Variants in TEAD4 observed in about 807,000 individuals in gnomAD.
TEAD4 encodes transcriptional enhancer factor TEF-3.
Under a neutral mutation model 52.4 loss-of-function variants are expected in TEAD4, and 36 were observed. The ratio of observed to expected loss-of-function variants is 0.69; its 90% CI spans 0.53 to 0.91. TEAD4 has a LOEUF of 0.91. TEAD4 is among the 40% of genes least tolerant of loss of function. The pLI is 0.00. For synonymous variants in TEAD4, 220 were observed against 231.0 expected, an observed-to-expected ratio of 0.95 and a Z score of 0.43; for missense variants, 508 against 583.9, an observed-to-expected ratio of 0.87 and a Z score of 1.34.
At chr12:3,022,046 G>A in intron 10 of TEAD4, 29 bp downstream of exon 10, 13 of 1,610,226 alleles carry the variant, frequency 8.1e-6, no homozygotes, top group Non-Finnish European at 1.0e-5. Context: ...CTTCTTTCCT[G>A]CCACCAGCGT....
intron 2 of TEAD4, among the ~76,000 whole-genome samples, chr12:2,993,193 C>T (rs1035375094): frequency 3.3e-5 from 5 of 152,206 alleles, no homozygotes; most frequent in African/African-American, 9.6e-5. Context: ...CACAATGCTG[C>T]GCAGCAGGTC....
At chr12:3,038,296 A>C (rs1990330) in intron 11 of TEAD4, among the ~76,000 whole-genome samples, 188 bp downstream of exon 11, 92,302 of 152,132 alleles carry the variant, frequency 0.61, 32,653 homozygotes, top group East Asian at 0.94. Context: ...CTGCCCAGCT[A>C]ACCAGAGCCA....
intron 10 of TEAD4, among the ~76,000 whole-genome samples, chr12:3,030,846 C>A (rs1379831514): frequency 6.6e-6 from 1 of 152,052 alleles, no homozygotes; most frequent in East Asian, 1.9e-4. Flanking sequence ...ACGTGCGTAG[C>A]CAGGGAAATA....
At chr12:2,990,833 A>G (rs2098242435) in intron 2 of TEAD4, among the ~76,000 whole-genome samples, 1 of 152,004 alleles carries the variant, frequency 6.6e-6, no homozygotes, top group Admixed American at 6.6e-5. Context: ...TTCTCTGAGG[A>G]TTTAGGTATA....
At chr12:3,005,697 C>A (rs1378256093) in intron 3 of TEAD4, among the ~76,000 whole-genome samples, 1 of 152,134 alleles carries the variant, frequency 6.6e-6, no homozygotes, top group Admixed American at 6.5e-5. Context: ...GACGGGGTTT[C>A]ATTGTGTTAG....
chr12:3,013,467 G>A (rs149663483), intron 5 of TEAD4, among the ~76,000 whole-genome samples: 25 of 152,160 alleles, frequency 1.6e-4, no homozygotes, highest in Non-Finnish European at 2.8e-4. Flanking sequence ...GGCCAGGCGC[G>A]GTGGCTCACG....
At chr12:3,022,069 GAGA>G in intron 10 of TEAD4, 52 bp downstream of exon 10, 1 of 1,596,964 alleles carries the variant, frequency 6.3e-7, no homozygotes, top group Non-Finnish European at 8.5e-7. Context: ...CCGTGGTAGT[GAGA>G]ACGGGGCGAG....
chr12:3,038,740 G>A (rs1268825371), intron 11 of TEAD4, among the ~76,000 whole-genome samples: 1 of 152,204 alleles, frequency 6.6e-6, no homozygotes, highest in Non-Finnish European at 1.5e-5. Flanking sequence ...CCTGCTTTCC[G>A]GTGCGTGTCT....
chr12:3,024,927 T>C (rs1366819476), intron 10 of TEAD4, among the ~76,000 whole-genome samples: 2 of 148,622 alleles, frequency 1.3e-5, no homozygotes, highest in Non-Finnish European at 3.0e-5. Context: ...TCTGTTCTGC[T>C]CCAGTTTGAA....
chr12:3,012,186 A>T lies in TEAD4; in HGVS notation c.308A>T (p.Gln103Leu). 1 of 1,614,140 alleles carries T rather than the reference A, an allele frequency of 6.2e-7. No individual in the cohort carries two copies. Among genetic ancestry groups the T allele is most frequent in the Non-Finnish European group, 8.5e-7 (1 of 1,180,006 alleles). Reference sequence around the variant, plus strand: ...CTGCCACAGGTCTCCAGCCACATCCAGGTGCTGGCTCGTCGCAAAGCTCGC... The same window carrying T: ...CTGCCACAGGTCTCCAGCCACATCCTGGTGCTGGCTCGTCGCAAAGCTCGC... Residue 103 changes from glutamine to leucine, a missense_variant, in exon 5 of 13, where the codon CAG becomes CTG. Gln to Leu is a moderately radical substitution (Grantham distance 113). Coordinates refer to ENST00000359864, the MANE Select transcript of TEAD4 (RefSeq NM_003213.4).
At chr12:3,035,872 T>G (rs1030268177) in intron 10 of TEAD4, among the ~76,000 whole-genome samples, 10 of 149,844 alleles carry the variant, frequency 6.7e-5, no homozygotes, top group Admixed American at 6.7e-4. Flanking sequence ...CCCGAAAGCC[T>G]GGGTTCTGGT....
At chr12:2,985,865 C>T (rs1243747989) in intron 2 of TEAD4, among the ~76,000 whole-genome samples, 1 of 151,896 alleles carries the variant, frequency 6.6e-6, no homozygotes, top group Non-Finnish European at 1.5e-5. Context: ...GCGGGTGGAT[C>T]ACTACGTCAG....
intron 10 of TEAD4, among the ~76,000 whole-genome samples, chr12:3,030,129 C>G (rs558201672): frequency 2.0e-5 from 3 of 152,256 alleles, no homozygotes; most frequent in African/African-American, 7.2e-5. Context: ...GACCTGTTGC[C>G]CTCCTGTTTA....
intron 5 of TEAD4, among the ~76,000 whole-genome samples, chr12:3,015,207 C>G (rs1591587173): frequency 6.6e-6 from 1 of 152,186 alleles, no homozygotes; most frequent in Admixed American, 6.5e-5. Context: ...TCCCTACTCC[C>G]CACCGCCCTC....
intron 2 of TEAD4, among the ~76,000 whole-genome samples, chr12:2,976,701 GC>G (rs2098229977): frequency 9.5e-6 from 1 of 105,662 alleles, no homozygotes; most frequent in African/African-American, 6.3e-5. Context: ...CTCCCTGAGA[GC>G]TGAGGAGATG....
At chr12:2,991,922 G>A (rs7964137) in intron 2 of TEAD4, among the ~76,000 whole-genome samples, 2 of 151,646 alleles carry the variant, frequency 1.3e-5, no homozygotes, top group Admixed American at 1.3e-4. Context: ...GACCTTGGGC[G>A]TGTCCTTAGG....
At chr12:2,982,541 G>C (rs1034428966) in intron 2 of TEAD4, among the ~76,000 whole-genome samples, 1 of 152,228 alleles carries the variant, frequency 6.6e-6, no homozygotes, top group Non-Finnish European at 1.5e-5. Flanking sequence ...GCTGGTGCTG[G>C]CTTACCCCAT....
chr12:2,990,596 G>T (rs915066677), intron 2 of TEAD4, among the ~76,000 whole-genome samples: 4 of 150,976 alleles, frequency 2.6e-5, no homozygotes, highest in South Asian at 2.1e-4. Context: ...CTCCCGAGTG[G>T]CTGGGATTAC....
chr12:3,012,042 T>A, intron 4 of TEAD4, 128 bp from the exon 5 acceptor site: 1 of 900,902 alleles, frequency 1.1e-6, no homozygotes, highest in Non-Finnish European at 1.7e-6. Flanking sequence ...CAGTTGACCC[T>A]TTCATTCATT....
Sources: gnomAD v4.1 joint callset for allele counts (sites outside exome capture counted in the v4.1 genomes callset) on GRCh38, gnomAD v4.1.1 for gene constraint, MANE v1.5 for transcripts, NCBI Gene and HGNC (gene_info 2026-07-23, HGNC 2026-07-21) for gene names.